The following FREM3 variants were observed in gnomAD, a reference collection of about 807,000 sequenced individuals.
FREM3 encodes FRAS1 related extracellular matrix 3.
In FREM3, 105 loss-of-function variants were observed where a neutral mutation model predicts 129.1. That is an observed-to-expected ratio of 0.81 (90% CI 0.69 to 0.96). The LOEUF is 0.96. FREM3 is among the 40% of genes least tolerant of loss of function. FREM3 has a pLI of 0.00. For missense variants in FREM3, 2,593 were observed against 2,666.3 expected, an observed-to-expected ratio of 0.97 and a Z score of 0.61; for synonymous variants, 1,014 against 1,044.9, an observed-to-expected ratio of 0.97 and a Z score of 0.57.
intron 6 of FREM3, among the ~76,000 whole-genome samples, chr4:143,604,708 T>C (rs564828262): frequency 6.6e-6 from 1 of 152,238 alleles, no homozygotes; most frequent in East Asian, 1.9e-4. Flanking sequence ...TTAAATAATA[T>C]TTTAGTGTGA....
Position 143,695,858 on chromosome 4 carries a change from A to G in FREM3, c.4818T>C (p.Ile1606=). ...FTKQDLNKNL[I]SYKHDGSETT... ...TCTCACTGCCGTCATGCTTGTAGCT[A>G]ATCAGGTTCTTGTTCAGGTCTTGCT... The change falls in exon 1 of 8, where the codon ATT becomes ATC. Residue 1606 remains isoleucine (I), a synonymous_variant. Transcript: ENST00000329798. 5.9e-6 allele frequency: 9 copies of G among 1,537,330 alleles called. No homozygotes were observed. Among genetic ancestry groups the G allele is most frequent in the Non-Finnish European group, 7.0e-6 (8 of 1,146,942 alleles).
intron 6 of FREM3, among the ~76,000 whole-genome samples, chr4:143,608,213 G>A (rs1738698002): frequency 6.6e-6 from 1 of 152,148 alleles, no homozygotes; most frequent in Non-Finnish European, 1.5e-5. Context: ...GGATATCTTT[G>A]GGGTCCATTA....
intron 2 of FREM3, among the ~76,000 whole-genome samples, chr4:143,663,653 TCTC>T (rs1240686941): frequency 6.6e-6 from 1 of 152,160 alleles, no homozygotes; most frequent in East Asian, 1.9e-4. Flanking sequence ...TTGGGGAAGT[TCTC>T]CTGGATAATA....
chr4:143,635,392 T>C (rs1739216524), intron 2 of FREM3, among the ~76,000 whole-genome samples: 1 of 152,182 alleles, frequency 6.6e-6, no homozygotes, highest in Admixed American at 6.5e-5. Flanking sequence ...TATACTCTAG[T>C]GCATGATTTT....
chr4:143,644,998 T>G (rs530297429), intron 2 of FREM3: 1 of 152,338 alleles, frequency 6.6e-6, no homozygotes, highest in African/African-American at 2.4e-5. Flanking sequence ...TAGTAATGGG[T>G]GATAAAGCGA....
At chr4:143,648,538 GT>G (rs1473012785) in intron 2 of FREM3, among the ~76,000 whole-genome samples, 1 of 152,194 alleles carries the variant, frequency 6.6e-6, no homozygotes, top group East Asian at 1.9e-4. Context: ...CTGCCATGCT[GT>G]TCTCATGATA....
chr4:143,591,895 A>G (rs143453135), intron 6 of FREM3, among the ~76,000 whole-genome samples: 1 of 152,016 alleles, frequency 6.6e-6, no homozygotes, highest in African/African-American at 2.4e-5. Flanking sequence ...GTAGGTCACT[A>G]AGGACTTGCT....
At chr4:143,609,020 A>C (rs886661761) in intron 6 of FREM3, among the ~76,000 whole-genome samples, 1 of 152,178 alleles carries the variant, frequency 6.6e-6, no homozygotes, top group Non-Finnish European at 1.5e-5. Flanking sequence ...CCTTTTTCTT[A>C]GAATGACTTA....
At chr4:143,651,105 G>A (rs901815549) in intron 2 of FREM3, among the ~76,000 whole-genome samples, 1 of 152,164 alleles carries the variant, frequency 6.6e-6, no homozygotes, top group African/African-American at 2.4e-5. Context: ...GTTTTAGTCA[G>A]ACAAGTAATA....
rs1267237767 is a variant in FREM3, at chr4:143,699,563, C to T, written c.1113G>A (p.Gly371=). The T allele has an allele frequency of 7.8e-6, 12 of 1,536,438 alleles. No homozygotes were observed. The East Asian group carries it at 2.9e-4, about 38-fold the overall frequency. The change falls in exon 1 of 8, where the codon GGG becomes GGA. Residue 371 remains glycine (G), a synonymous_variant. Transcript: ENST00000329798. The surrounding 1 kb of genome is among the most constrained non-coding windows in gnomAD (Gnocchi z 4.2). ...GYVVSTDDPL[G]LPVSFFTQQE... ...GCTGGGTGAAGAAGGAGACTGGAAGCCCTAGAGGGTCGTCGGTGCTGACCA... is the reference window on the plus strand; with the variant it reads ...GCTGGGTGAAGAAGGAGACTGGAAGTCCTAGAGGGTCGTCGGTGCTGACCA...
At chr4:143,644,276 A>G (rs1035046808) in intron 2 of FREM3, among the ~76,000 whole-genome samples, 12 of 151,934 alleles carry the variant, frequency 7.9e-5, no homozygotes, top group African/African-American at 2.9e-4. Context: ...TTCTCCGTGT[A>G]TCTGCATCAT....
At chr4:143,673,881 C>A (rs75636851) in intron 2 of FREM3, among the ~76,000 whole-genome samples, 11,093 of 152,298 alleles carry the variant, frequency 0.073, 1,080 homozygotes, top group African/African-American at 0.21. Flanking sequence ...GGGTGTGGGA[C>A]CCTCCGAGCC....
rs149541439 is a variant in FREM3, at chr4:143,631,688, C to T, written c.5276-3928G>A. ...GGAGCAAAACAAGTAGAAAGGAAGA[C>T]TTCCTGGGATGACTGGGCTGGGAGA... On this transcript the variant is annotated intron_variant, in intron 2 of 7. Transcript: ENST00000329798. Among the ~76,000 whole-genome samples the T allele has an allele frequency of 2.0e-3, 308 of 152,188 alleles. 3 individuals are homozygous for T. Among genetic ancestry groups the T allele is most frequent in the African/African-American group, 7.2e-3 (301 of 41,544 alleles).
chr4:143,652,537 C>G (rs925291268), intron 2 of FREM3, among the ~76,000 whole-genome samples: 8 of 152,096 alleles, frequency 5.3e-5, no homozygotes, highest in African/African-American at 1.9e-4. Context: ...ATGAAAGTGG[C>G]AAATGAAATG....
chr4:143,661,440 CA>C (rs1739721498), intron 2 of FREM3, among the ~76,000 whole-genome samples: 1 of 151,802 alleles, frequency 6.6e-6, no homozygotes, highest in Non-Finnish European at 1.5e-5. Flanking sequence ...GGATGAAGCC[CA>C]CTTGATCATG....
In FREM3 at chr4:143,697,235, C is replaced by T. The variant is rs375385889; in HGVS notation, c.3441G>A (p.Arg1147=). The change falls in exon 1 of 8, where the codon AGG becomes AGA. Residue 1147 remains arginine (R), a synonymous_variant. Transcript: ENST00000329798. ...SAFSLRDIQV[R]HINYVQSIHK... ...GAATACTCTGTACATAATTGATATG[C>T]CTCACTTGGATATCTCTGAGGGAGA... 1.3e-6 allele frequency: 2 copies of T among 1,537,552 alleles called. No individual in the cohort carries two copies. The highest frequency in any genetic ancestry group is 2.0e-5 in the Admixed American group (1 of 50,984).
intron 2 of FREM3, among the ~76,000 whole-genome samples, chr4:143,678,241 A>C (rs1301022610): frequency 6.6e-6 from 1 of 152,130 alleles, no homozygotes; most frequent in African/African-American, 2.4e-5. Flanking sequence ...TCCTTTGTAG[A>C]GACATGGATA....
chr4:143,615,140 T>C (rs1560845221), intron 5 of FREM3, among the ~76,000 whole-genome samples: 1 of 152,168 alleles, frequency 6.6e-6, no homozygotes, highest in Non-Finnish European at 1.5e-5. Context: ...ATTAAATCAT[T>C]ATATTATGTT....
intron 2 of FREM3, among the ~76,000 whole-genome samples, chr4:143,668,326 C>T (rs1401302947): frequency 1.3e-5 from 2 of 152,174 alleles, no homozygotes; most frequent in Admixed American, 6.5e-5. Context: ...ACCTCAATGG[C>T]ATCACTAACA....
Sources: gnomAD v4.1 joint callset for allele counts (sites outside exome capture counted in the v4.1 genomes callset) on GRCh38, gnomAD v4.1.1 for gene constraint, Gnocchi (gnomAD v3.1) non-coding constraint, MANE v1.5 for transcripts, NCBI Gene and HGNC (gene_info 2026-07-23, HGNC 2026-07-21) for gene names.